LY86: variants seen among roughly 807,000 people sequenced by gnomAD.
LY86 encodes lymphocyte antigen 86.
A neutral mutation model predicts 17.3 loss-of-function variants in LY86; 20 were observed. The observed-to-expected ratio is 1.15, with a 90% CI of 0.81 to 1.68. LY86 has a LOEUF of 1.68. Ranked by LOEUF, LY86 falls within the 40% of genes most tolerant of loss-of-function variation. The pLI is 0.00. For missense variants in LY86, 200 were observed against 191.9 expected (o/e 1.04, Z -0.25); for synonymous variants, 74 against 70.6 (o/e 1.05, Z -0.24).
At chr6:6,602,089 C>G (rs1158172540) in intron 1 of LY86, among the ~76,000 whole-genome samples, 1 of 152,246 alleles carries the variant, frequency 6.6e-6, no homozygotes, top group Non-Finnish European at 1.5e-5. Context: ...CCCTTCTTGA[C>G]TCAAAGCACT....
chr6:6,637,463 G>C (rs1253355795), intron 3 of LY86, among the ~76,000 whole-genome samples: 1 of 152,132 alleles, frequency 6.6e-6, no homozygotes, highest in East Asian at 1.9e-4. Flanking sequence ...TATGACTAAG[G>C]ATGACCTAGG....
intron 1 of LY86, among the ~76,000 whole-genome samples, chr6:6,612,427 G>C (rs145189911): frequency 1.9e-4 from 29 of 152,282 alleles, no homozygotes; most frequent in African/African-American, 6.3e-4. Context: ...CCTCATAAAA[G>C]AAACCGCAAA....
Position 6,596,991 on chromosome 6 carries a change from G to A in LY86, c.136+8121G>A, listed in dbSNP as rs1217172389. Among the ~76,000 whole-genome samples, 3 of 152,338 alleles carry A rather than the reference G, an allele frequency of 2.0e-5. No homozygotes were observed. In the East Asian group the frequency reaches 5.8e-4, roughly 29 times the overall value. ...CTGTTCACAGCTATTTCCATCCTTA[G>A]GCAAAATCTTAATGGGCAGCTCCGC... On this transcript the variant is annotated intron_variant, in intron 1 of 4. Coordinates refer to ENST00000230568, the MANE Select transcript of LY86 (RefSeq NM_004271.4).
intron 3 of LY86, among the ~76,000 whole-genome samples, chr6:6,638,283 A>G (rs1761989499): frequency 6.6e-6 from 1 of 152,244 alleles, no homozygotes; most frequent in African/African-American, 2.4e-5. Flanking sequence ...TGAAATGGTA[A>G]TATTTTTAAT....
At position 6,654,532 on chromosome 6, in the gene LY86, T is replaced by C. The variant is rs1188084117; in HGVS notation, c.406-12T>C. ...GGTCACACGTCTAATACTTGACCTG[T>C]GCCCCTTGCAGGGAGAATACCAGGT... On this transcript the variant is annotated splice_polypyrimidine_tract_variant and intron_variant, in intron 4 of 4. Coordinates refer to ENST00000230568, the MANE Select transcript of LY86 (RefSeq NM_004271.4). The C allele has an allele frequency of 3.1e-6, 5 of 1,608,004 alleles. No homozygotes were observed. The highest frequency in any genetic ancestry group is 2.7e-5 in the African/African-American group (2 of 74,952).
intron 3 of LY86, among the ~76,000 whole-genome samples, chr6:6,633,519 C>T (rs560550247): frequency 6.6e-6 from 1 of 152,206 alleles, no homozygotes; most frequent in East Asian, 1.9e-4. Context: ...TGATACCATC[C>T]CATGATAACA....
chr6:6,620,830 A>T (rs1262363293), intron 1 of LY86: 1 of 152,276 alleles, frequency 6.6e-6, no homozygotes, highest in Non-Finnish European at 1.5e-5. Flanking sequence ...TTACTCCATG[A>T]ATGTCCAAGA....
At chr6:6,622,841 A>T (rs560772820) in intron 1 of LY86, 8 of 152,362 alleles carry the variant, frequency 5.3e-5, no homozygotes, top group African/African-American at 9.6e-5. Flanking sequence ...TATTCTGGGC[A>T]ATCTTACAAA....
chr6:6,596,407 GAA>G lies in LY86; in HGVS notation c.136+7540_136+7541del, dbSNP rs548558893. Among the ~76,000 whole-genome samples the G allele has an allele frequency of 6.8e-3, 483 of 71,384 alleles. 5 individuals carry two copies. The highest frequency in any genetic ancestry group is 0.014 in the Middle Eastern group (2 of 138). 46.8% of individuals were successfully genotyped at this position (71,384 alleles called of 152,430 possible). A position where few individuals can be genotyped will look rare whatever the true frequency, so the allele number is the denominator to read the frequency against. ...AAGCATGCATGAAACATCAAAAAAA[GAA>G]AAGAAAAACCTCACAGGTCATCTAG... On this transcript the variant is annotated intron_variant, in intron 1 of 4. Coordinates refer to ENST00000230568, the MANE Select transcript of LY86 (RefSeq NM_004271.4).
intron 4 of LY86, among the ~76,000 whole-genome samples, chr6:6,654,085 C>G (rs1762225489): frequency 2.1e-5 from 2 of 96,306 alleles, no homozygotes; most frequent in African/African-American, 8.6e-5. Flanking sequence ...CTTACCTCAC[C>G]CCCCCCATCC....
Position 6,626,454 on chromosome 6 carries a change from G to A in LY86, c.352+33G>A, listed in dbSNP as rs763718638. ...ATCTGTCTTGCTCACTGCTGGCAGG[G>A]GCCTGCAGAGAGATAAACTCGAACT... On this transcript the variant is annotated intron_variant, in intron 3 of 4. Transcript: ENST00000230568. 24 of 1,609,804 alleles carry A rather than the reference G, an allele frequency of 1.5e-5. No homozygotes were observed. The South Asian group carries it at 2.6e-4, about 18-fold the overall frequency.
chr6:6,650,674 C>T (rs1190237141), intron 4 of LY86, among the ~76,000 whole-genome samples: 1 of 152,136 alleles, frequency 6.6e-6, no homozygotes, highest in Non-Finnish European at 1.5e-5. Context: ...TTTTAAAATG[C>T]ATGCTGATGT....
chr6:6,619,949 T>C (rs1302055665), intron 1 of LY86, among the ~76,000 whole-genome samples: 5 of 151,874 alleles, frequency 3.3e-5, no homozygotes. Flanking sequence ...AGGAAGGACA[T>C]TGCAATCTTG....
At chr6:6,646,500 C>T (rs921363582) in intron 3 of LY86, among the ~76,000 whole-genome samples, 17 of 152,136 alleles carry the variant, frequency 1.1e-4, no homozygotes, top group African/African-American at 3.9e-4. Flanking sequence ...ATCTTTACAC[C>T]TCAACCACCA....
At chr6:6,605,131 G>C (rs1020414182) in intron 1 of LY86, among the ~76,000 whole-genome samples, 1 of 151,694 alleles carries the variant, frequency 6.6e-6, no homozygotes, top group Non-Finnish European at 1.5e-5. Context: ...ATATAAAATG[G>C]AATGACAAGC....
At chr6:6,606,030 T>C (rs1321328169) in intron 1 of LY86, among the ~76,000 whole-genome samples, 1 of 152,210 alleles carries the variant, frequency 6.6e-6, no homozygotes, top group Non-Finnish European at 1.5e-5. Context: ...CCACAGCACG[T>C]AATACTACTC....
intron 1 of LY86, among the ~76,000 whole-genome samples, chr6:6,601,500 A>C (rs1254546787): frequency 6.6e-6 from 1 of 152,208 alleles, no homozygotes; most frequent in African/African-American, 2.4e-5. Flanking sequence ...AGGCAGGCAG[A>C]TCACGAGGTC....
At chr6:6,645,239 C>T (rs1395918169) in intron 3 of LY86, among the ~76,000 whole-genome samples, 1 of 152,144 alleles carries the variant, frequency 6.6e-6, no homozygotes, top group African/African-American at 2.4e-5. Context: ...AGTCTCATTG[C>T]GTATTTCAGC....
chr6:6,634,612 A>G (rs1376918492), intron 3 of LY86, among the ~76,000 whole-genome samples: 2 of 152,204 alleles, frequency 1.3e-5, no homozygotes, highest in African/African-American at 4.8e-5. Context: ...TTTCTTAATT[A>G]GATGTTTCTC....
Sources: allele counts gnomAD v4.1 joint callset (sites outside exome capture counted in the v4.1 genomes callset), GRCh38; gene constraint gnomAD v4.1.1; transcripts MANE v1.5; gene names NCBI Gene and HGNC (gene_info 2026-07-23, HGNC 2026-07-21).